Variants in PAK5 observed in about 807,000 individuals in gnomAD.
PAK5 encodes the protein p21 (RAC1) activated kinase 5.
PAK5 carries 16 observed loss-of-function variants against 65.9 expected under a neutral mutation model. That is an observed-to-expected ratio of 0.24 (90% confidence interval 0.16 to 0.37). The LOEUF (loss-of-function observed/expected upper bound fraction) is 0.37, where lower values mean the gene tolerates loss of function less well. Ranked by LOEUF, PAK5 falls within the 10% of genes least tolerant of loss-of-function variation. The pLI is 1.00. For missense variants in PAK5, 785 were observed against 903.9 expected, an observed-to-expected ratio of 0.87 and a Z score of 1.69; for synonymous variants, 371 against 354.9, an observed-to-expected ratio of 1.05 and a Z score of -0.51.
At chr20:9,732,384 A>T (rs1436157067) in intron 1 of PAK5, among the ~76,000 whole-genome samples, 1 of 152,218 alleles carries the variant, frequency 6.6e-6, no homozygotes, top group East Asian at 1.9e-4. Context: ...ATGCATTTTT[A>T]AAACTTTCTG....
At chr20:9,557,370 C>T (rs747755815) in intron 7 of PAK5, among the ~76,000 whole-genome samples, 13 of 152,184 alleles carry the variant, frequency 8.5e-5, no homozygotes, top group Non-Finnish European at 1.3e-4. Flanking sequence ...GTTTCTATTA[C>T]TTCCTATACT....
chr20:9,728,026 C>A (rs1221501030), intron 1 of PAK5, among the ~76,000 whole-genome samples: 1 of 131,700 alleles, frequency 7.6e-6, no homozygotes, highest in East Asian at 1.9e-4. Context: ...GTGTATGTGT[C>A]CCCCCAAAAA....
intron 1 of PAK5, among the ~76,000 whole-genome samples, chr20:9,825,580 T>G (rs1276326867): frequency 6.6e-6 from 1 of 152,168 alleles, no homozygotes; most frequent in Non-Finnish European, 1.5e-5. Context: ...CCATTTCAGT[T>G]TAGTTCAAAT....
At chr20:9,613,669 G>A (rs1420814136) in intron 3 of PAK5, among the ~76,000 whole-genome samples, 1 of 152,160 alleles carries the variant, frequency 6.6e-6, no homozygotes, top group East Asian at 1.9e-4. Context: ...AGCTTAAACT[G>A]TTGGTTTTTA....
intron 2 of PAK5, among the ~76,000 whole-genome samples, chr20:9,654,936 C>A (rs977648431): frequency 2.6e-5 from 4 of 152,154 alleles, no homozygotes; most frequent in Admixed American, 6.5e-5. Flanking sequence ...TTTTTTCTTA[C>A]TTGTTCCCAC....
chr20:9,672,952 T>C (rs76450545), intron 2 of PAK5, among the ~76,000 whole-genome samples: 8,540 of 152,252 alleles, frequency 0.056, 245 homozygotes, highest in South Asian at 0.083. Flanking sequence ...TATTAGATCC[T>C]TGAGGTCCCT....
intron 9 of PAK5, among the ~76,000 whole-genome samples, chr20:9,541,068 TA>T (rs2045254690): frequency 6.6e-6 from 1 of 152,176 alleles, no homozygotes; most frequent in African/African-American, 2.4e-5. Context: ...TCCAATCCAG[TA>T]AAAATTTCAA....
intron 1 of PAK5, among the ~76,000 whole-genome samples, chr20:9,799,029 A>C (rs2049137410): frequency 6.6e-6 from 1 of 152,196 alleles, no homozygotes; most frequent in Non-Finnish European, 1.5e-5. Flanking sequence ...GGAAAGAATT[A>C]AAAAGTATTT....
intron 8 of PAK5, 97 bp from the exon 9 acceptor site, chr20:9,542,817 G>A: frequency 9.2e-7 from 1 of 1,088,216 alleles, no homozygotes; most frequent in Non-Finnish European, 1.4e-6. Flanking sequence ...AAGTGACTAT[G>A]GCACTTGTAA....
At chr20:9,768,235 G>T (rs926422274) in intron 1 of PAK5, among the ~76,000 whole-genome samples, 1 of 151,594 alleles carries the variant, frequency 6.6e-6, no homozygotes, top group African/African-American at 2.4e-5. Context: ...AGACACAGGG[G>T]TACACGTGCA....
chr20:9,602,715 G>A (rs2046383399), intron 3 of PAK5, among the ~76,000 whole-genome samples: 1 of 152,208 alleles, frequency 6.6e-6, no homozygotes, highest in Non-Finnish European at 1.5e-5. Context: ...CGTGACCACA[G>A]CATCTGAGCT....
chr20:9,632,159 TC>T (rs370517930), intron 3 of PAK5, among the ~76,000 whole-genome samples: 291 of 152,286 alleles, frequency 1.9e-3, no homozygotes, highest in African/African-American at 6.3e-3. Flanking sequence ...AAAGAAGATG[TC>T]CCCTAGAATA....
chr20:9,626,006 T>C (rs2046838967), intron 3 of PAK5, among the ~76,000 whole-genome samples: 1 of 152,186 alleles, frequency 6.6e-6, no homozygotes, highest in Non-Finnish European at 1.5e-5. Context: ...CTCACTGGGC[T>C]CTGAAACTGC....
At chr20:9,633,107 A>T (rs943934518) in intron 3 of PAK5, among the ~76,000 whole-genome samples, 1 of 152,160 alleles carries the variant, frequency 6.6e-6, no homozygotes, top group East Asian at 1.9e-4. Flanking sequence ...GGTTCATACA[A>T]TGAGGTTGGG....
At chr20:9,799,883 G>A (rs907189605) in intron 1 of PAK5, among the ~76,000 whole-genome samples, 2 of 129,280 alleles carry the variant, frequency 1.5e-5, no homozygotes, top group Non-Finnish European at 3.1e-5. Flanking sequence ...GGAAGTTGTT[G>A]TGAGCCAAGA....
intron 7 of PAK5, among the ~76,000 whole-genome samples, chr20:9,548,412 T>C (rs921751229): frequency 1.3e-5 from 2 of 152,136 alleles, no homozygotes; most frequent in African/African-American, 4.8e-5. Context: ...AGTTTTAGGG[T>C]ACATGTGCAC....
At chr20:9,701,323 A>T (rs1472658613) in intron 2 of PAK5, among the ~76,000 whole-genome samples, 1 of 152,194 alleles carries the variant, frequency 6.6e-6, no homozygotes, top group Non-Finnish European at 1.5e-5. Flanking sequence ...AATAAGAGGG[A>T]CAGCTCAGTA....
At chr20:9,660,917 G>A (rs1358493237) in intron 2 of PAK5, among the ~76,000 whole-genome samples, 1 of 152,146 alleles carries the variant, frequency 6.6e-6, no homozygotes, top group African/African-American at 2.4e-5. Flanking sequence ...TCGCAGACCA[G>A]CAGCATCAGC....
chr20:9,577,295 T>C (rs997557761), intron 4 of PAK5: 2 of 152,016 alleles, frequency 1.3e-5, no homozygotes, highest in Admixed American at 6.6e-5. Context: ...GGAAATTAAG[T>C]AGGTAGATAA....
Sources: allele counts gnomAD v4.1 joint callset (sites outside exome capture counted in the v4.1 genomes callset), GRCh38; gene constraint gnomAD v4.1.1; transcripts MANE v1.5; gene names NCBI Gene and HGNC (gene_info 2026-07-23, HGNC 2026-07-21).